FBN2: variants seen among roughly 807,000 people sequenced by gnomAD.
FBN2 encodes the protein fibrillin 2.
FBN2 carries 105 observed loss-of-function variants against 355.6 expected under a neutral mutation model. The observed-to-expected ratio is 0.30, with a 90% CI of 0.25 to 0.35. FBN2 has a LOEUF of 0.35. Ranked by LOEUF, FBN2 falls within the 10% of genes least tolerant of loss-of-function variation. The probability of loss-of-function intolerance (pLI) is 1.00; values close to 1 mark genes in which losing one functional copy is unlikely to be tolerated. For missense variants in FBN2, 3,280 were observed against 3,758.7 expected, an observed-to-expected ratio of 0.87 and a Z score of 3.33; for synonymous variants, 1,350 against 1,301.2, an observed-to-expected ratio of 1.04 and a Z score of -0.81.
chr5:128,344,449 G>T lies in FBN2; in HGVS notation c.3279C>A (p.Ile1093=). ...MCTYGKCRNT[I]GSFKCRCNSG... ...TATTGCAACGGCATTTGAAGCTTCC[G>T]ATTGTATTTCTGCACTTCCCATAAG... is the stretch of plus-strand genomic sequence containing the variant. Residue 1093 remains isoleucine (I), a synonymous_variant, in exon 25 of 65, where the codon ATC becomes ATA. Coordinates refer to ENST00000262464, the MANE Select transcript of FBN2 (RefSeq NM_001999.4). 2 of 1,613,076 alleles carry T rather than the reference G, an allele frequency of 1.2e-6. No homozygotes were observed. The highest frequency in any genetic ancestry group is 1.7e-6 in the Non-Finnish European group (2 of 1,179,122).
chr5:128,364,792 C>A, intron 17 of FBN2, 67 bp from the exon 18 acceptor site: 2 of 1,331,494 alleles, frequency 1.5e-6, no homozygotes, highest in Non-Finnish European at 2.1e-6. Context: ...AAATGCAGGT[C>A]TAGTAAAGAC....
intron 32 of FBN2, among the ~76,000 whole-genome samples, chr5:128,332,531 A>T (rs1750720750): frequency 6.6e-6 from 1 of 152,214 alleles, no homozygotes; most frequent in South Asian, 2.1e-4. Flanking sequence ...GACTTACTAA[A>T]AAATTAGGTT....
At position 128,289,947 on chromosome 5, in the gene FBN2, A is replaced by G. The variant is rs191065419; in HGVS notation, c.6446T>C (p.Val2149Ala). 5.4e-5 allele frequency: 86 copies of G among 1,585,200 alleles called. No homozygotes were observed. In the East Asian group the frequency reaches 1.9e-3, roughly 36 times the overall value. Residue 2149 changes from valine to alanine, a missense_variant and splice_region_variant, in exon 51 of 65, where the codon GTT becomes GCT. By Grantham distance (64) the Val-to-Ala change is moderately conservative. Coordinates refer to ENST00000262464, the MANE Select transcript of FBN2 (RefSeq NM_001999.4). Reference protein sequence around the residue: ...PCELCPKDDEVAFQDLCPYGH... With the variant: ...PCELCPKDDEAAFQDLCPYGH... ...ATATGGACACAAATCCTGAAATGCAACTACAAAGAAAAATACAAATTCTCC... is the reference window on the plus strand; with the variant it reads ...ATATGGACACAAATCCTGAAATGCAGCTACAAAGAAAAATACAAATTCTCC...
At chr5:128,537,265 C>G in intron 1 of FBN2, 85 bp downstream of exon 1, 7 of 1,578,196 alleles carry the variant, frequency 4.4e-6, no homozygotes, top group Non-Finnish European at 6.0e-6. Context: ...GGGTCTGGGA[C>G]GGAGTGGGCC....
chr5:128,479,373 G>A (rs1398137883), intron 5 of FBN2, among the ~76,000 whole-genome samples: 1 of 152,074 alleles, frequency 6.6e-6, no homozygotes, highest in African/African-American at 2.4e-5. Flanking sequence ...ATAGTGACAC[G>A]TGTGTATGCA....
At chr5:128,391,285 C>T (rs1561433328) in intron 11 of FBN2, among the ~76,000 whole-genome samples, 1 of 151,954 alleles carries the variant, frequency 6.6e-6, no homozygotes, top group Non-Finnish European at 1.5e-5. Context: ...CATTCCTCAA[C>T]AAAACAGAAC....
In FBN2 at chr5:128,378,875, G is replaced by A; in HGVS notation, c.1619C>T (p.Thr540Ile). 1 of 1,612,986 alleles carries A rather than the reference G, an allele frequency of 6.2e-7. No homozygotes were observed. ...NGDCIDVDEC[T>I]SNPCTNGDCV... ...ATCTCCATTAGTGCAGGGATTTGAT[G>A]TGCATTCATCAACATCTGTGAGCAG... The change falls in exon 12 of 65, where the codon ACA becomes ATA. Residue 540 changes from threonine (T) to isoleucine (I), a missense_variant. This residue lies in a region of FBN2 where 2,284 missense variants were observed against 2,749.5 expected (regional missense o/e 0.83). Transcript: ENST00000262464.
intron 60 of FBN2, among the ~76,000 whole-genome samples, chr5:128,274,259 T>C (rs1232590605): frequency 6.6e-6 from 1 of 152,220 alleles, no homozygotes; most frequent in Non-Finnish European, 1.5e-5. Context: ...TGTTAACATG[T>C]TCTAAATTAC....
intron 6 of FBN2, among the ~76,000 whole-genome samples, chr5:128,452,353 A>T (rs1422864604): frequency 6.6e-6 from 1 of 152,200 alleles, no homozygotes; most frequent in African/African-American, 2.4e-5. Context: ...ACAATTATAT[A>T]TTTTGAAATT....
chr5:128,374,546 T>TA (rs1752030965), intron 15 of FBN2, 82 bp downstream of exon 15: 1 of 1,557,806 alleles, frequency 6.4e-7, no homozygotes, highest in South Asian at 1.1e-5. Flanking sequence ...TGGTGAATAT[T>TA]ACTCCACTGT....
rs139698691 is a variant in FBN2, at chr5:128,443,589, A to G, written c.952+2892T>C. 7.5e-3 allele frequency among the ~76,000 whole-genome samples: 1,144 copies of G among 152,314 alleles called. 7 individuals are homozygous for G. The highest frequency in any genetic ancestry group is 1.0e-2 in the Non-Finnish European group (680 of 68,020). On this transcript the variant is annotated intron_variant, in intron 7 of 64. Coordinates refer to ENST00000262464, the MANE Select transcript of FBN2 (RefSeq NM_001999.4). ...GTTTAACGATTAATAAGCTAATTGC[A>G]GTTTCTTGTTAAGGATACCACCATT...
chr5:128,424,716 A>G (rs1220176866), intron 7 of FBN2, among the ~76,000 whole-genome samples: 1 of 152,128 alleles, frequency 6.6e-6, no homozygotes, highest in Non-Finnish European at 1.5e-5. Context: ...AAAGGCTACT[A>G]CTGCAGCAAA....
At chr5:128,294,701 T>C (rs1749449699) in intron 48 of FBN2, among the ~76,000 whole-genome samples, 1 of 149,738 alleles carries the variant, frequency 6.7e-6, no homozygotes. Flanking sequence ...TTTTTTCTTG[T>C]AAATTTGTTT....
rs763473498 is a variant in FBN2, at chr5:128,335,941, G to A, written c.3724+47C>T. 2.5e-6 allele frequency: 4 copies of A among 1,607,434 alleles called. No homozygotes were observed. In the African/African-American group the frequency reaches 4.0e-5, roughly 16 times the overall value. ...AATTCAGCGCCAAAAGTTTTCCTAG[G>A]CTGATTTGAGACATATGAGTTTCAG... On this transcript the variant is annotated intron_variant, in intron 28 of 64. Transcript: ENST00000262464.
At chr5:128,432,604 A>G (rs1379290473) in intron 7 of FBN2, among the ~76,000 whole-genome samples, 1 of 152,220 alleles carries the variant, frequency 6.6e-6, no homozygotes, top group African/African-American at 2.4e-5. Context: ...GCCCTGATCT[A>G]GAAGAACTGC....
intron 8 of FBN2, among the ~76,000 whole-genome samples, chr5:128,405,975 C>T (rs1388325366): frequency 1.3e-5 from 2 of 152,170 alleles, no homozygotes; most frequent in Non-Finnish European, 1.5e-5. Context: ...CGACGTTTCT[C>T]CTAAAGAGTT....
At position 128,335,572 on chromosome 5, in the gene FBN2, C is replaced by G. The variant is rs1750813817; in HGVS notation, c.3730G>C (p.Asp1244His). ...TPDRQGCTDI[D>H]ECMIMNGGCD... ...CCTCCGTTCATTATCATACATTCAT[C>G]AATATCTGTGAAAACAGCATTGCAA... Residue 1244 changes from aspartate to histidine, a missense_variant, in exon 29 of 65, where the codon GAT (aspartate) becomes CAT (histidine). This residue lies in a region of FBN2 where 2,284 missense variants were observed against 2,749.5 expected (regional missense o/e 0.83). Coordinates refer to ENST00000262464, the MANE Select transcript of FBN2 (RefSeq NM_001999.4). 2 of 1,614,184 alleles carry G rather than the reference C, an allele frequency of 1.2e-6. No individual in the cohort carries two copies. Among genetic ancestry groups the G allele is most frequent in the Non-Finnish European group, 1.7e-6 (2 of 1,180,016 alleles).
chr5:128,298,307 T>C (rs1163314147), intron 48 of FBN2, among the ~76,000 whole-genome samples: 1 of 151,698 alleles, frequency 6.6e-6, no homozygotes, highest in African/African-American at 2.4e-5. Flanking sequence ...ATCTGACAAT[T>C]ATGTGTCTTG....
intron 56 of FBN2, 133 bp downstream of exon 56, chr5:128,280,056 TAAG>T (rs1765493533): frequency 2.8e-6 from 2 of 711,358 alleles, no homozygotes; most frequent in East Asian, 2.7e-5. Flanking sequence ...TGTGCATCTT[TAAG>T]AAGAAGCATG....
Sources: allele counts gnomAD v4.1 joint callset (sites outside exome capture counted in the v4.1 genomes callset), GRCh38; gene constraint gnomAD v4.1.1; regional missense constraint gnomAD v4.1.1; transcripts MANE v1.5; gene names NCBI Gene and HGNC (gene_info 2026-07-23, HGNC 2026-07-21).